ADGRL3: variants seen among roughly 807,000 people sequenced by gnomAD.
ADGRL3 encodes the protein adhesion G protein-coupled receptor L3.
ADGRL3 carries 62 observed loss-of-function variants against 153.5 expected under a neutral mutation model. The observed-to-expected ratio is 0.40, with a 90% CI of 0.33 to 0.50. ADGRL3 has a LOEUF of 0.50. Ranked by LOEUF, ADGRL3 falls within the 20% of genes least tolerant of loss-of-function variation. ADGRL3 has a pLI of 0.47. For synonymous variants in ADGRL3, 710 were observed against 672.5 expected (o/e 1.06, Z -0.86); for missense variants, 1,641 against 1,859.4 (o/e 0.88, Z 2.16).
intron 21 of ADGRL3, among the ~76,000 whole-genome samples, chr4:62,021,419 T>C (rs1172925111): frequency 6.6e-6 from 1 of 152,138 alleles, no homozygotes; most frequent in African/African-American, 2.4e-5. Flanking sequence ...ATGTTTTCAG[T>C]CACTGACATA....
At chr4:61,796,988 G>A (rs568096342) in intron 8 of ADGRL3, among the ~76,000 whole-genome samples, 1 of 152,274 alleles carries the variant, frequency 6.6e-6, no homozygotes, top group Admixed American at 6.5e-5. Flanking sequence ...CTAAAGTTCA[G>A]CATTCACAGC....
intron 4 of ADGRL3, among the ~76,000 whole-genome samples, chr4:61,527,291 T>C (rs2152940970): frequency 6.6e-6 from 1 of 152,242 alleles, no homozygotes; most frequent in South Asian, 2.1e-4. Flanking sequence ...TTATGTCTAA[T>C]GGGAGATAAT....
chr4:61,513,297 C>T (rs1053424157), intron 3 of ADGRL3, among the ~76,000 whole-genome samples: 4 of 152,136 alleles, frequency 2.6e-5, no homozygotes, highest in Non-Finnish European at 5.9e-5. Context: ...TTGATCTCTG[C>T]AAGTTATCTA....
At chr4:61,906,695 C>A (rs2098697304) in intron 11 of ADGRL3, among the ~76,000 whole-genome samples, 1 of 151,812 alleles carries the variant, frequency 6.6e-6, no homozygotes, top group South Asian at 2.1e-4. Flanking sequence ...AAACCCTTGA[C>A]ACCACTTAAT....
chr4:61,966,054 T>C (rs1198499528), intron 17 of ADGRL3, among the ~76,000 whole-genome samples: 3 of 152,182 alleles, frequency 2.0e-5, no homozygotes, highest in East Asian at 3.9e-4. Flanking sequence ...TGCAATACAT[T>C]TATTCATGAG....
intron 9 of ADGRL3, among the ~76,000 whole-genome samples, chr4:61,860,428 T>C (rs1386140699): frequency 6.6e-6 from 1 of 152,072 alleles, no homozygotes; most frequent in Admixed American, 6.5e-5. Context: ...TTATTTGCGT[T>C]ACTGATCGGA....
chr4:61,338,393 C>CTGTG (rs4038726), intron 1 of ADGRL3, among the ~76,000 whole-genome samples: 17,273 of 149,886 alleles, frequency 0.12, 1,186 homozygotes, highest in South Asian at 0.19. Flanking sequence ...CAGTGTGTGT[C>CTGTG]TGTGTGTGTG....
intron 8 of ADGRL3, among the ~76,000 whole-genome samples, chr4:61,809,533 G>C (rs1439800148): frequency 6.6e-6 from 1 of 151,932 alleles, no homozygotes; most frequent in Non-Finnish European, 1.5e-5. Context: ...CTCTGTAAGT[G>C]CTGTTCATGA....
At chr4:61,324,296 G>A (rs2095423449) in intron 1 of ADGRL3, among the ~76,000 whole-genome samples, 1 of 151,964 alleles carries the variant, frequency 6.6e-6, no homozygotes, top group Non-Finnish European at 1.5e-5. Context: ...ATACACATAT[G>A]TACCTACTAA....
At chr4:61,485,263 A>G (rs2098177230) in intron 2 of ADGRL3, among the ~76,000 whole-genome samples, 1 of 152,188 alleles carries the variant, frequency 6.6e-6, no homozygotes, top group African/African-American at 2.4e-5. Context: ...ATATGGGAAA[A>G]TTATATTGCG....
chr4:61,594,084 G>A (rs1300331030), intron 5 of ADGRL3, among the ~76,000 whole-genome samples: 1 of 152,034 alleles, frequency 6.6e-6, no homozygotes, highest in Non-Finnish European at 1.5e-5. Context: ...CTGCTATTAA[G>A]AGACTTTGAA....
chr4:61,686,825 G>A (rs1377223019), intron 6 of ADGRL3, among the ~76,000 whole-genome samples: 2 of 151,802 alleles, frequency 1.3e-5, no homozygotes, highest in Non-Finnish European at 2.9e-5. Flanking sequence ...CCAGCCTCTG[G>A]TAGTCACTGT....
intron 1 of ADGRL3, among the ~76,000 whole-genome samples, chr4:61,259,734 C>CT (rs904067042): frequency 6.6e-6 from 1 of 151,792 alleles, no homozygotes; most frequent in African/African-American, 2.4e-5. Flanking sequence ...TTTCTGTTAC[C>CT]TTTTTTTTCT....
chr4:61,516,509 A>G (rs2098496398), intron 3 of ADGRL3, among the ~76,000 whole-genome samples: 1 of 151,306 alleles, frequency 6.6e-6, no homozygotes, highest in African/African-American at 2.4e-5. Context: ...CAATTTATCA[A>G]AAAAAATCCT....
At chr4:61,539,122 T>A (rs1025727882) in intron 4 of ADGRL3, among the ~76,000 whole-genome samples, 1 of 152,150 alleles carries the variant, frequency 6.6e-6, no homozygotes, top group African/African-American at 2.4e-5. Flanking sequence ...TATTTTGCCC[T>A]GTGTCACCCC....
intron 2 of ADGRL3, among the ~76,000 whole-genome samples, chr4:61,476,714 A>G (rs2098062519): frequency 6.9e-6 from 1 of 144,798 alleles, no homozygotes; most frequent in East Asian, 2.1e-4. Context: ...TGTCTAAAAA[A>G]AAAAAAAAAA....
At chr4:61,564,557 G>GC (rs1302977113) in intron 4 of ADGRL3, among the ~76,000 whole-genome samples, 1 of 152,204 alleles carries the variant, frequency 6.6e-6, no homozygotes. Context: ...ATAGGCTTGA[G>GC]CCAGAGCGTT....
chr4:61,374,295 C>T (rs1463929032), intron 1 of ADGRL3, among the ~76,000 whole-genome samples: 4 of 152,114 alleles, frequency 2.6e-5, no homozygotes, highest in Non-Finnish European at 2.9e-5. Flanking sequence ...GTCAGTTTGT[C>T]AATACTCTGC....
At chr4:61,340,313 T>C (rs1275542771) in intron 1 of ADGRL3, among the ~76,000 whole-genome samples, 1 of 152,186 alleles carries the variant, frequency 6.6e-6, no homozygotes, top group East Asian at 1.9e-4. Flanking sequence ...GAATTTGTTC[T>C]CTCGTTTCCT....
Sources: allele counts gnomAD v4.1 joint callset (sites outside exome capture counted in the v4.1 genomes callset), GRCh38; gene constraint gnomAD v4.1.1; transcripts MANE v1.5; gene names NCBI Gene and HGNC (gene_info 2026-07-23, HGNC 2026-07-21).